The following ROCK1 variants were observed in gnomAD, a reference collection of about 807,000 sequenced individuals.
ROCK1 encodes the protein Rho associated coiled-coil containing protein kinase 1, also known as rho-associated protein kinase 1.
In ROCK1, 36 loss-of-function variants were observed where a neutral mutation model predicts 196.8. That is an observed-to-expected ratio of 0.18 (90% CI 0.14 to 0.24). The LOEUF (loss-of-function observed/expected upper bound fraction) is 0.24. Among genes scored for constraint, ROCK1 ranks in the 10% least tolerant of loss-of-function variants. The pLI is 1.00. For missense variants in ROCK1, 920 were observed against 1,562.0 expected (o/e 0.59, Z 6.93); for synonymous variants, 443 against 515.9 (o/e 0.86, Z 1.91).
chr18:21,008,316 G>T, intron 13 of ROCK1, 122 bp from the exon 14 acceptor site: 1 of 698,352 alleles, frequency 1.4e-6, no homozygotes, highest in Non-Finnish European at 2.2e-6. Flanking sequence ...TAAGATGAAT[G>T]TTCTGTTTCA....
At chr18:21,016,237 T>C (rs1478142269) in intron 12 of ROCK1, among the ~76,000 whole-genome samples, 1 of 152,200 alleles carries the variant, frequency 6.6e-6, no homozygotes, top group Non-Finnish European at 1.5e-5. Flanking sequence ...ATGCTCAGAA[T>C]TGAAACAAGT....
Position 21,111,116 on chromosome 18 carries a change from C to G in ROCK1, c.-206G>C. ...GGCCGGGGGCAACAGCGACCCACAGCCGCTCGGACGCCCAAAGTCGCATCC... is the reference window on the plus strand; with the variant it reads ...GGCCGGGGGCAACAGCGACCCACAGGCGCTCGGACGCCCAAAGTCGCATCC... On this transcript the variant is annotated 5_prime_UTR_variant, in exon 1 of 33. Transcript: ENST00000399799. This position sits in a 1 kb window ranked among gnomAD's most constrained non-coding sequence, Gnocchi z 4.2. The G allele has an allele frequency of 1.7e-6, 1 of 581,196 alleles. No homozygotes were observed. Among genetic ancestry groups the G allele is most frequent in the Non-Finnish European group, 3.0e-6 (1 of 328,706 alleles). The allele number at this position is 581,196 out of a possible 1,614,324, so 36.0% of individuals were successfully genotyped here.
intron 9 of ROCK1, among the ~76,000 whole-genome samples, chr18:21,030,349 T>C (rs559732072): frequency 1.3e-5 from 2 of 152,276 alleles, no homozygotes; most frequent in African/African-American, 2.4e-5. Context: ...GGAAAAAAGG[T>C]GTTACTAGCA....
intron 22 of ROCK1, among the ~76,000 whole-genome samples, chr18:20,973,418 C>T (rs2035448938): frequency 6.6e-6 from 1 of 152,010 alleles, no homozygotes; most frequent in South Asian, 2.1e-4. Context: ...GCTGGGACTA[C>T]AGGCATGTGC....
intron 16 of ROCK1, 127 bp downstream of exon 16, chr18:21,006,224 A>T: frequency 1.4e-6 from 1 of 713,418 alleles, no homozygotes. Context: ...GATTCCACTT[A>T]TATGATGATG....
chr18:21,010,387 G>A (rs888339832), intron 13 of ROCK1, among the ~76,000 whole-genome samples: 1 of 152,140 alleles, frequency 6.6e-6, no homozygotes, highest in Non-Finnish European at 1.5e-5. Flanking sequence ...TTTTGATGAT[G>A]TATTTTCACT....
At chr18:21,103,760 A>G (rs1259175203) in intron 1 of ROCK1, among the ~76,000 whole-genome samples, 2 of 152,164 alleles carry the variant, frequency 1.3e-5, no homozygotes. Context: ...TTTCAGAGAC[A>G]CAAGAGACAT....
chr18:20,949,485 A>G lies in ROCK1; in HGVS notation c.*1899T>C, dbSNP rs1327235557. 1 of 152,320 alleles carries G rather than the reference A, an allele frequency of 6.6e-6. No homozygotes were observed. Among genetic ancestry groups the G allele is most frequent in the Non-Finnish European group, 1.5e-5 (1 of 68,076 alleles). The allele number at this position is 152,320 out of a possible 1,614,324, so 9.4% of individuals were successfully genotyped here. A position where few individuals can be genotyped will look rare whatever the true frequency, so the allele number is the denominator to read the frequency against. On this transcript the variant is annotated 3_prime_UTR_variant, in exon 33 of 33. Coordinates refer to ENST00000399799, the MANE Select transcript of ROCK1 (RefSeq NM_005406.3). ...GCTGAGCACACAGTGGGTTTGCATC[A>G]TAGGTGGGAGACGTTATCTTTATTA... is the stretch of plus-strand genomic sequence containing the variant.
chr18:20,951,215 A>G lies in ROCK1; in HGVS notation c.*169T>C. 1 of 496,162 alleles carries G rather than the reference A, an allele frequency of 2.0e-6. No homozygotes were observed. The highest frequency in any genetic ancestry group is 3.6e-6 in the Non-Finnish European group (1 of 280,316). 30.7% of individuals were successfully genotyped at this position (496,162 alleles called of 1,614,324 possible). A position where few individuals can be genotyped will look rare whatever the true frequency, so the allele number is the denominator to read the frequency against. ...TACCTGTAGGCAAACCCGCAATAAA[A>G]AAAACCCTCAGTGTGTTGTGCCAAA... On this transcript the variant is annotated 3_prime_UTR_variant, in exon 33 of 33. Transcript: ENST00000399799.
intron 1 of ROCK1, among the ~76,000 whole-genome samples, chr18:21,086,603 T>G (rs1340270628): frequency 6.6e-6 from 1 of 151,934 alleles, no homozygotes; most frequent in Non-Finnish European, 1.5e-5. Flanking sequence ...AGAATGGGGC[T>G]AAAAGGGACT....
intron 16 of ROCK1, among the ~76,000 whole-genome samples, chr18:20,997,438 G>A (rs1176202039): frequency 2.0e-5 from 3 of 152,174 alleles, no homozygotes; most frequent in Non-Finnish European, 4.4e-5. Flanking sequence ...AATTCAGCAA[G>A]AGAATATAAC....
At chr18:21,085,300 G>A (rs369631586) in intron 1 of ROCK1, among the ~76,000 whole-genome samples, 5 of 119,574 alleles carry the variant, frequency 4.2e-5, no homozygotes, top group East Asian at 5.4e-4. Context: ...TGGGAGGATC[G>A]CCTGAGCCCA....
intron 16 of ROCK1, among the ~76,000 whole-genome samples, chr18:20,995,142 C>A (rs1196689001): frequency 1.3e-5 from 2 of 152,132 alleles, no homozygotes; most frequent in African/African-American, 4.8e-5. Context: ...TAACATACTG[C>A]ATATTTCAAA....
At chr18:21,016,644 C>T (rs2035865198) in intron 12 of ROCK1, among the ~76,000 whole-genome samples, 1 of 152,202 alleles carries the variant, frequency 6.6e-6, no homozygotes, top group African/African-American at 2.4e-5. Context: ...CTGTTCCACA[C>T]TCCCACCCCA....
intron 1 of ROCK1, among the ~76,000 whole-genome samples, chr18:21,097,086 T>C (rs1355693988): frequency 6.6e-6 from 1 of 152,026 alleles, no homozygotes; most frequent in Non-Finnish European, 1.5e-5. Context: ...AAAGAGTAGG[T>C]GAGATACTAT....
rs1555743135 is a variant in ROCK1, at chr18:20,959,057, T to TTTTATATAATATATATTATATATATTATA, written c.3512+782_3512+783insTATAATATATATAATATATATTATATAAA. On this transcript the variant is annotated intron_variant, in intron 29 of 32. Transcript: ENST00000399799. ...TTTTATATAATATATAATATATATATTATATTTTATATTATATAATATATA... is the reference window on the plus strand; with the variant it reads ...TTTTATATAATATATAATATATATATTTTATATAATATATATTATATATATTATATATATTTTATATTATATAATATATA... 1.7e-4 allele frequency among the ~76,000 whole-genome samples: 8 copies of TTTTATATAATATATATTATATATATTATA among 46,920 alleles called. 1 individual carries two copies. Among genetic ancestry groups the TTTTATATAATATATATTATATATATTATA allele is most frequent in the African/African-American group, 9.5e-4 (6 of 6,324 alleles). 30.8% of individuals were successfully genotyped at this position (46,920 alleles called of 152,430 possible).
At chr18:21,001,074 T>A (rs760959886) in intron 16 of ROCK1, among the ~76,000 whole-genome samples, 4 of 152,148 alleles carry the variant, frequency 2.6e-5, no homozygotes, top group Non-Finnish European at 5.9e-5. Flanking sequence ...GGTAAATACA[T>A]ATAACAGAAT....
chr18:21,031,057 G>A lies in ROCK1; in HGVS notation c.1052-2122C>T, dbSNP rs533674554. The stretch of plus-strand genomic sequence containing the variant: ...AGATTTCAGTGAATACACATGACAA[G>A]GAATACAGATTTTGCAAAATTAGTT... On this transcript the variant is annotated intron_variant, in intron 9 of 32. Transcript: ENST00000399799. Among the ~76,000 whole-genome samples the A allele has an allele frequency of 3.9e-5, 6 of 152,238 alleles. No individual in the cohort carries two copies. The South Asian group carries it at 1.0e-3, about 26-fold the overall frequency.
rs1568370769 is a variant in ROCK1, at chr18:20,970,530, A to G, written c.2655-17T>C. On this transcript the variant is annotated splice_polypyrimidine_tract_variant and intron_variant, in intron 22 of 32. Coordinates refer to ENST00000399799, the MANE Select transcript of ROCK1 (RefSeq NM_005406.3). The stretch of plus-strand genomic sequence containing the variant: ...AGAGTTTCTCTGCAACAATTTTTTA[A>G]GAGAAACTGATGTAAACAAATTCAG... 6 of 1,574,648 alleles carry G rather than the reference A, an allele frequency of 3.8e-6. No homozygotes were observed. The highest frequency in any genetic ancestry group is 5.2e-6 in the Non-Finnish European group (6 of 1,153,584).
Sources: gnomAD v4.1 joint callset for allele counts (sites outside exome capture counted in the v4.1 genomes callset) on GRCh38, gnomAD v4.1.1 for gene constraint, Gnocchi (gnomAD v3.1) non-coding constraint, MANE v1.5 for transcripts, NCBI Gene and HGNC (gene_info 2026-07-23, HGNC 2026-07-21) for gene names.